The following OIP5 variants were observed in gnomAD, a reference collection of about 807,000 sequenced individuals.
The protein encoded by OIP5 is Opa interacting protein 5.
In OIP5, 24 loss-of-function variants were observed where a neutral mutation model predicts 20.3. That is an observed-to-expected ratio of 1.18 (90% CI 0.86 to 1.66). The LOEUF (loss-of-function observed/expected upper bound fraction) is 1.66, where lower values mean the gene tolerates loss of function less well. Ranked by LOEUF, OIP5 falls within the 40% of genes most tolerant of loss-of-function variation. The pLI, the probability that OIP5 is intolerant of heterozygous loss-of-function variation, is 0.00. For synonymous variants in OIP5, 143 were observed against 121.3 expected (o/e 1.18, Z -1.17); for missense variants, 339 against 289.5 (o/e 1.17, Z -1.24).
chr15:41,312,073 C>G (rs2047758798), intron 4 of OIP5, among the ~76,000 whole-genome samples: 1 of 140,502 alleles, frequency 7.1e-6, no homozygotes, highest in African/African-American at 2.5e-5. Flanking sequence ...AGGCTGGTCT[C>G]AAACTCCCGA....
At chr15:41,326,957 T>C (rs2047865732) in intron 2 of OIP5, among the ~76,000 whole-genome samples, 1 of 151,968 alleles carries the variant, frequency 6.6e-6, no homozygotes, top group Non-Finnish European at 1.5e-5. Flanking sequence ...TGAGGTCAAC[T>C]AGATTATGTT....
intron 4 of OIP5, among the ~76,000 whole-genome samples, chr15:41,311,514 A>T (rs957456185): frequency 6.6e-6 from 1 of 152,160 alleles, no homozygotes; most frequent in Non-Finnish European, 1.5e-5. Context: ...TTCTTCCTGG[A>T]TCCTATCCAT....
At chr15:41,320,320 G>C (rs988304476) in intron 2 of OIP5, among the ~76,000 whole-genome samples, 1 of 151,764 alleles carries the variant, frequency 6.6e-6, no homozygotes, top group African/African-American at 2.4e-5. Flanking sequence ...GTCTCCCTCT[G>C]ATGCCAAGCC....
At chr15:41,320,707 C>G (rs1307343954) in intron 2 of OIP5, among the ~76,000 whole-genome samples, 2 of 152,104 alleles carry the variant, frequency 1.3e-5, no homozygotes, top group Admixed American at 1.3e-4. Flanking sequence ...GCCGCCACCC[C>G]GTCTGGGAAG....
At position 41,329,777 on chromosome 15, in the gene OIP5, C is replaced by T. The variant is rs1014310801; in HGVS notation, c.389+2138G>A. Among the ~76,000 whole-genome samples the T allele has an allele frequency of 2.6e-5, 4 of 152,014 alleles. No homozygotes were observed. The East Asian group carries it at 7.7e-4, about 29-fold the overall frequency. On this transcript the variant is annotated intron_variant, in intron 2 of 4. Transcript: ENST00000220514. Reference sequence around the variant, plus strand: ...AGTACAGTGGGATGATCTTGGCTCACTGCAACCCCCGCCTACCAGATTCAA... The same window carrying T: ...AGTACAGTGGGATGATCTTGGCTCATTGCAACCCCCGCCTACCAGATTCAA...
At chr15:41,312,132 G>C (rs2047759466) in intron 4 of OIP5, among the ~76,000 whole-genome samples, 1 of 114,550 alleles carries the variant, frequency 8.7e-6, no homozygotes, top group Admixed American at 8.8e-5. Context: ...GGGATTACAG[G>C]CATAAGCCAC....
chr15:41,315,955 G>A (rs549530348), intron 3 of OIP5, among the ~76,000 whole-genome samples: 6 of 152,108 alleles, frequency 3.9e-5, no homozygotes, highest in Middle Eastern at 3.4e-3. Context: ...GTAAAACCCC[G>A]TCTCTACTAA....
intron 3 of OIP5, among the ~76,000 whole-genome samples, chr15:41,318,400 G>A (rs1166617895): frequency 6.6e-6 from 1 of 152,016 alleles, no homozygotes; most frequent in Non-Finnish European, 1.5e-5. Context: ...GACCTCAGGT[G>A]AACCCCCGAC....
At chr15:41,332,021 G>A (rs745857917) in intron 1 of OIP5, 40 bp from the exon 2 acceptor site, 32 of 1,589,872 alleles carry the variant, frequency 2.0e-5, no homozygotes, top group Non-Finnish European at 2.8e-5. Context: ...TACTCTGCGG[G>A]CCTTGAAATG....
At chr15:41,331,761 C>A (rs942279647) in intron 2 of OIP5, among the ~76,000 whole-genome samples, 154 bp downstream of exon 2, 1 of 152,114 alleles carries the variant, frequency 6.6e-6, no homozygotes, top group Non-Finnish European at 1.5e-5. Flanking sequence ...TACACAAATA[C>A]AACTTTTTCA....
chr15:41,321,504 T>C (rs2047828049), intron 2 of OIP5, among the ~76,000 whole-genome samples: 1 of 152,204 alleles, frequency 6.6e-6, no homozygotes, highest in African/African-American at 2.4e-5. Context: ...GGGGAAAAGA[T>C]TGAGAAATCG....
At chr15:41,315,864 T>C (rs1438411767) in intron 3 of OIP5, among the ~76,000 whole-genome samples, 1 of 151,990 alleles carries the variant, frequency 6.6e-6, no homozygotes, top group Non-Finnish European at 1.5e-5. Context: ...ATCTAGAAAT[T>C]GGTGGCGCAG....
At chr15:41,319,887 T>TA in intron 2 of OIP5, 107 bp from the exon 3 acceptor site, 1 of 836,822 alleles carries the variant, frequency 1.2e-6, no homozygotes, top group Admixed American at 3.2e-5. Context: ...GGGTGAAAAT[T>TA]ACATTGTAAT....
At chr15:41,312,468 A>G (rs907225977) in intron 4 of OIP5, among the ~76,000 whole-genome samples, 9 of 146,472 alleles carry the variant, frequency 6.1e-5, no homozygotes, top group African/African-American at 2.3e-4. Context: ...GGCAAGAATT[A>G]TTTTTTTTTG....
rs1488290521 is a variant in OIP5 at position 41,314,942 on chromosome 15, C to T, written c.513-1588G>A. ...CCAACATGCCTGGCCAGCGAAACCC[C>T]ATCTCTACAAAAAATACAAAAATTA... is the stretch of plus-strand genomic sequence containing the variant. On this transcript the variant is annotated intron_variant, in intron 3 of 4. Coordinates refer to ENST00000220514, the MANE Select transcript of OIP5 (RefSeq NM_007280.2). Among the ~76,000 whole-genome samples the T allele has an allele frequency of 2.0e-5, 3 of 151,384 alleles. No individual in the cohort carries two copies. The East Asian group carries it at 5.9e-4, about 30-fold the overall frequency.
rs2047740498 is a variant in OIP5, at chr15:41,309,470, T to G, written c.*284A>C. ...GACACATGGGACTCTGCATCTTAAT[T>G]CCTAAATTTACAGTCAAAGACATTT... On this transcript the variant is annotated 3_prime_UTR_variant, in exon 5 of 5. Coordinates refer to ENST00000220514, the MANE Select transcript of OIP5 (RefSeq NM_007280.2). 6 of 244,346 alleles carry G rather than the reference T, an allele frequency of 2.5e-5. No homozygotes were observed. In the South Asian group the frequency reaches 3.5e-4, roughly 14 times the overall value. 15.1% of individuals were successfully genotyped at this position (244,346 alleles called of 1,614,324 possible). A position where few individuals can be genotyped will look rare whatever the true frequency, so the allele number is the denominator to read the frequency against.
Position 41,309,565 on chromosome 15 carries a change from A to T in OIP5, c.*189T>A. 2.1e-6 allele frequency: 1 copy of T among 471,244 alleles called. No homozygotes were observed. The highest frequency in any genetic ancestry group is 3.5e-5 in the East Asian group (1 of 28,568). 29.2% of individuals were successfully genotyped at this position (471,244 alleles called of 1,614,324 possible). A position where few individuals can be genotyped will look rare whatever the true frequency, so the allele number is the denominator to read the frequency against. On this transcript the variant is annotated 3_prime_UTR_variant, in exon 5 of 5. Coordinates refer to ENST00000220514, the MANE Select transcript of OIP5 (RefSeq NM_007280.2). ...CTTAAGGCAAATAGCTATAAAAGAG[A>T]AGAATCCTTAGTCTCTCATCTTCTA...
rs1317468744 is a variant in OIP5 at position 41,319,738 on chromosome 15, A to G, written c.432T>C (p.Val144=). The change falls in exon 3 of 5, where the codon GTT becomes GTC. Residue 144 remains valine, a synonymous_variant. Transcript: ENST00000220514. The part of the protein sequence containing the change: ...LLFCGSCGIP[V]GFHLYSTHAA... Reference sequence around the variant, plus strand: ...CATGGGTAGAATACAGATGGAAACCAACGGGAATCCCACAAGAACCACAGA... The same window carrying G: ...CATGGGTAGAATACAGATGGAAACCGACGGGAATCCCACAAGAACCACAGA... The G allele has an allele frequency of 6.2e-7, 1 of 1,613,718 alleles. No homozygotes were observed. The highest frequency in any genetic ancestry group is 1.7e-5 in the Admixed American group (1 of 59,984).
At chr15:41,313,376 T>TTA (rs1353022473) in intron 3 of OIP5, 22 bp from the exon 4 acceptor site, 1 of 1,288,974 alleles carries the variant, frequency 7.8e-7, no homozygotes, top group African/African-American at 1.5e-5. Flanking sequence ...AAAAGAAAAA[T>TTA]ATTAGTGTCA....
Sources: allele counts gnomAD v4.1 joint callset (sites outside exome capture counted in the v4.1 genomes callset), GRCh38; gene constraint gnomAD v4.1.1; transcripts MANE v1.5; gene names NCBI Gene and HGNC (gene_info 2026-07-23, HGNC 2026-07-21).